SLC2A13: variants seen among roughly 807,000 people sequenced by gnomAD.
SLC2A13 encodes the protein proton myo-inositol cotransporter.
A neutral mutation model predicts 64.4 loss-of-function variants in SLC2A13; 32 were observed. That is an observed-to-expected ratio of 0.50 (90% CI 0.37 to 0.67). The LOEUF is 0.67. SLC2A13 is among the 30% of genes least tolerant of loss of function. The probability of loss-of-function intolerance (pLI) is 0.00; values close to 1 mark genes in which losing one functional copy is unlikely to be tolerated. For missense variants in SLC2A13, 743 were observed against 829.2 expected, an observed-to-expected ratio of 0.90 and a Z score of 1.28; for synonymous variants, 338 against 327.1, an observed-to-expected ratio of 1.03 and a Z score of -0.36.
At chr12:40,071,897 A>C (rs1318573581) in intron 1 of SLC2A13, among the ~76,000 whole-genome samples, 1 of 152,092 alleles carries the variant, frequency 6.6e-6, no homozygotes, top group Non-Finnish European at 1.5e-5. Flanking sequence ...GATTTCCTCT[A>C]TCAATTTCCT....
intron 4 of SLC2A13, among the ~76,000 whole-genome samples, chr12:39,921,367 G>A (rs1290350729): frequency 6.6e-6 from 1 of 152,022 alleles, no homozygotes; most frequent in East Asian, 1.9e-4. Context: ...CAAAGAAAGG[G>A]AGCTCTCTCC....
chr12:39,777,998 AAC>A (rs1940837935), intron 7 of SLC2A13, among the ~76,000 whole-genome samples: 1 of 152,190 alleles, frequency 6.6e-6, no homozygotes, highest in Non-Finnish European at 1.5e-5. Context: ...AGCACCCTGT[AAC>A]ACACGCCCAC....
At chr12:39,816,104 G>T (rs1460450121) in intron 7 of SLC2A13, among the ~76,000 whole-genome samples, 1 of 152,160 alleles carries the variant, frequency 6.6e-6, no homozygotes, top group Non-Finnish European at 1.5e-5. Context: ...GTGAGCTGAG[G>T]TCTGAAACAG....
intron 4 of SLC2A13, among the ~76,000 whole-genome samples, chr12:39,941,248 T>G (rs552879837): frequency 6.6e-6 from 1 of 152,314 alleles, no homozygotes; most frequent in South Asian, 2.1e-4. Context: ...TGCAAGTATC[T>G]TTTTCGAATA....
intron 7 of SLC2A13, among the ~76,000 whole-genome samples, chr12:39,768,129 C>A (rs1258210108): frequency 2.0e-5 from 3 of 152,106 alleles, no homozygotes; most frequent in Admixed American, 1.3e-4. Flanking sequence ...AAAACAGCTT[C>A]TTTCCTTAAA....
chr12:40,045,002 G>A (rs1203555598), intron 2 of SLC2A13, among the ~76,000 whole-genome samples: 1 of 152,168 alleles, frequency 6.6e-6, no homozygotes, highest in Non-Finnish European at 1.5e-5. Context: ...ACTTCTCTAA[G>A]CATCAAGTTT....
intron 1 of SLC2A13, among the ~76,000 whole-genome samples, chr12:40,092,841 G>A (rs538315611): frequency 3.3e-5 from 5 of 152,284 alleles, no homozygotes; most frequent in African/African-American, 7.2e-5. Context: ...GGTGAACTAC[G>A]ACTCCAATGC....
At chr12:39,903,960 TA>T (rs1234635521) in intron 4 of SLC2A13, among the ~76,000 whole-genome samples, 10 of 152,082 alleles carry the variant, frequency 6.6e-5, no homozygotes, top group African/African-American at 2.4e-4. Flanking sequence ...AGGATACTGC[TA>T]TTTATCAGAT....
At chr12:39,972,022 T>TAATATA (rs368933021) in intron 3 of SLC2A13, among the ~76,000 whole-genome samples, 4 of 92,394 alleles carry the variant, frequency 4.3e-5, no homozygotes, top group Admixed American at 3.3e-4. Flanking sequence ...ATATTTTTTT[T>TAATATA]TATATAAATA....
intron 3 of SLC2A13, among the ~76,000 whole-genome samples, chr12:39,976,119 C>T (rs898394306): frequency 6.6e-6 from 1 of 152,218 alleles, no homozygotes; most frequent in Non-Finnish European, 1.5e-5. Context: ...ACAGCCCACC[C>T]TTAGATAAGC....
chr12:39,774,051 A>C (rs1940680213), intron 7 of SLC2A13, among the ~76,000 whole-genome samples: 1 of 152,214 alleles, frequency 6.6e-6, no homozygotes, highest in Admixed American at 6.5e-5. Flanking sequence ...TATCCCTCTA[A>C]AAGTTAACCC....
intron 1 of SLC2A13, among the ~76,000 whole-genome samples, chr12:40,098,027 G>GTATA (rs1192924873): frequency 2.0e-5 from 3 of 150,622 alleles, no homozygotes; most frequent in African/African-American, 2.4e-5. Flanking sequence ...ATGTGTATAT[G>GTATA]TATGTATATA....
At chr12:39,876,723 T>C (rs1944192403) in intron 4 of SLC2A13, among the ~76,000 whole-genome samples, 1 of 152,170 alleles carries the variant, frequency 6.6e-6, no homozygotes, top group Non-Finnish European at 1.5e-5. Flanking sequence ...AAATAAAATG[T>C]ATCAGCTCAT....
chr12:40,005,388 T>C (rs1194293244), intron 3 of SLC2A13, among the ~76,000 whole-genome samples: 4 of 152,100 alleles, frequency 2.6e-5, no homozygotes, highest in Admixed American at 2.6e-4. Context: ...CTCCTAGTAA[T>C]GCTTAATGAT....
At chr12:39,922,732 A>T (rs1034776070) in intron 4 of SLC2A13, among the ~76,000 whole-genome samples, 3 of 152,194 alleles carry the variant, frequency 2.0e-5, no homozygotes, top group Non-Finnish European at 2.9e-5. Context: ...TTACATTGCC[A>T]AACTTTTTTC....
At chr12:40,043,949 C>G (rs10784353) in intron 2 of SLC2A13, among the ~76,000 whole-genome samples, 63,969 of 151,928 alleles carry the variant, frequency 0.42, 13,702 homozygotes, top group African/African-American at 0.45. Context: ...TCCTCAAAAA[C>G]CTAAATACAG....
Position 39,757,741 on chromosome 12 carries a change from C to A in SLC2A13, c.*2285G>T, listed in dbSNP as rs1940005960. 1.3e-5 allele frequency: 2 copies of A among 152,082 alleles called. No individual in the cohort carries two copies. Among genetic ancestry groups the A allele is most frequent in the East Asian group, 3.8e-4 (2 of 5,296 alleles). 9.4% of individuals were successfully genotyped at this position (152,082 alleles called of 1,614,324 possible). A position where few individuals can be genotyped will look rare whatever the true frequency, so the allele number is the denominator to read the frequency against. ...GTTATAAAGTTGAAAACATTGTTTT[C>A]TTATATCAGGGAGAACAGGCCATGT... is the stretch of plus-strand genomic sequence containing the variant. On this transcript the variant is annotated 3_prime_UTR_variant, in exon 10 of 10. Coordinates refer to ENST00000280871, the MANE Select transcript of SLC2A13 (RefSeq NM_052885.4).
intron 3 of SLC2A13, among the ~76,000 whole-genome samples, chr12:39,996,101 TAATATAGAC>T: frequency 6.6e-6 from 1 of 152,314 alleles, no homozygotes; most frequent in African/African-American, 2.4e-5. Flanking sequence ...ATGCTGATAG[TAATATAGAC>T]AATGAAACCC....
At chr12:39,950,714 T>G (rs761560635) in intron 4 of SLC2A13, 1 of 152,374 alleles carries the variant, frequency 6.6e-6, no homozygotes, top group African/African-American at 2.4e-5. Context: ...CACATACAGC[T>G]TTGGGAATTA....
Sources: allele counts gnomAD v4.1 joint callset (sites outside exome capture counted in the v4.1 genomes callset), GRCh38; gene constraint gnomAD v4.1.1; transcripts MANE v1.5; gene names NCBI Gene and HGNC (gene_info 2026-07-23, HGNC 2026-07-21).